The following AGBL4 variants were observed in gnomAD, a reference collection of about 807,000 sequenced individuals.
AGBL4 encodes the protein AGBL carboxypeptidase 4, also known as cytosolic carboxypeptidase 6.
Under a neutral mutation model 66.4 loss-of-function variants are expected in AGBL4, and 58 were observed. That is an observed-to-expected ratio of 0.87 (90% CI 0.71 to 1.09). The LOEUF is 1.09. Ranked by LOEUF, AGBL4 falls within the 50% of genes least tolerant of loss-of-function variation. AGBL4 has a pLI of 0.00. For synonymous variants in AGBL4, 234 were observed against 222.9 expected (o/e 1.05, Z -0.44); for missense variants, 579 against 631.0 (o/e 0.92, Z 0.88).
chr1:49,909,546 G>A (rs1289125323), intron 1 of AGBL4, among the ~76,000 whole-genome samples: 4 of 152,174 alleles, frequency 2.6e-5, no homozygotes, highest in Non-Finnish European at 4.4e-5. Flanking sequence ...CACCAGTATG[G>A]TCTGAACAGA....
intron 6 of AGBL4, among the ~76,000 whole-genome samples, chr1:48,729,325 C>A (rs1647716224): frequency 6.6e-6 from 1 of 152,106 alleles, no homozygotes; most frequent in Non-Finnish European, 1.5e-5. Context: ...TAAGGGAACA[C>A]AAATATTCTG....
At chr1:49,339,685 T>C (rs904900780) in intron 3 of AGBL4, among the ~76,000 whole-genome samples, 1 of 152,240 alleles carries the variant, frequency 6.6e-6, no homozygotes, top group African/African-American at 2.4e-5. Flanking sequence ...CTCCTGTTGA[T>C]ATATTTTACA....
intron 1 of AGBL4, among the ~76,000 whole-genome samples, chr1:49,961,628 T>C (rs1457652584): frequency 6.6e-6 from 1 of 152,126 alleles, no homozygotes; most frequent in Non-Finnish European, 1.5e-5. Flanking sequence ...ATTATTTTAA[T>C]AAAAGATGCT....
At chr1:49,605,864 C>CT (rs1333315252) in intron 3 of AGBL4, among the ~76,000 whole-genome samples, 3 of 151,922 alleles carry the variant, frequency 2.0e-5, no homozygotes, top group African/African-American at 7.2e-5. Context: ...GTTTATAATT[C>CT]TTTTTTAGTC....
intron 1 of AGBL4, among the ~76,000 whole-genome samples, chr1:49,896,646 C>G (rs1304942541): frequency 7.2e-6 from 1 of 139,512 alleles, no homozygotes; most frequent in Non-Finnish European, 1.6e-5. Context: ...CACACACACA[C>G]ACACACACAA....
chr1:49,178,866 G>T lies in AGBL4; in HGVS notation c.377+66904C>A, dbSNP rs533316970. Among the ~76,000 whole-genome samples the T allele has an allele frequency of 2.0e-5, 3 of 152,284 alleles. No homozygotes were observed. The South Asian group carries it at 6.2e-4, about 32-fold the overall frequency. On this transcript the variant is annotated intron_variant, in intron 4 of 13. Transcript: ENST00000371839. ...ATCTTTAATTAGTCTTGTCACTAAA[G>T]TAGGTAAAGATTCATCCACTTGGGG...
intron 6 of AGBL4, among the ~76,000 whole-genome samples, chr1:48,714,253 C>T (rs1647012633): frequency 6.6e-6 from 1 of 152,106 alleles, no homozygotes; most frequent in Admixed American, 6.5e-5. Flanking sequence ...CAAAGTAACT[C>T]ATGTTTGGCC....
intron 4 of AGBL4, among the ~76,000 whole-genome samples, chr1:49,137,383 C>T (rs1028928338): frequency 6.6e-6 from 1 of 152,124 alleles, no homozygotes; most frequent in African/African-American, 2.4e-5. Flanking sequence ...GTGGAAGATG[C>T]TGGTGTGGGA....
chr1:49,948,708 G>A lies in AGBL4; in HGVS notation c.34+75055C>T, dbSNP rs533516587. On this transcript the variant is annotated intron_variant, in intron 1 of 13. Transcript: ENST00000371839. ...TCATAGATGACACAAACAAATGGAA[G>A]CACATCCTATGTTCATGGATGGGTA... Among the ~76,000 whole-genome samples, 50 of 149,916 alleles carry A rather than the reference G, an allele frequency of 3.3e-4. 1 individual carries two copies. In the South Asian group the frequency reaches 9.4e-3, roughly 28 times the overall value.
intron 4 of AGBL4, among the ~76,000 whole-genome samples, chr1:49,138,173 G>A (rs1310561031): frequency 1.3e-5 from 2 of 152,080 alleles, no homozygotes; most frequent in Non-Finnish European, 2.9e-5. Flanking sequence ...AGCCTTGAAT[G>A]CCAGGTGAGA....
chr1:48,692,710 G>A (rs1309028418), intron 6 of AGBL4, among the ~76,000 whole-genome samples: 1 of 152,202 alleles, frequency 6.6e-6, no homozygotes, highest in Non-Finnish European at 1.5e-5. Context: ...AAGAGCTTGT[G>A]TTTGTTGTAG....
chr1:48,580,243 C>T (rs972168032), intron 11 of AGBL4, among the ~76,000 whole-genome samples: 1 of 152,208 alleles, frequency 6.6e-6, no homozygotes, highest in Non-Finnish European at 1.5e-5. Flanking sequence ...CAACAGAGCT[C>T]AAGCACCAGG....
chr1:49,875,331 A>G (rs1439770599), intron 1 of AGBL4, among the ~76,000 whole-genome samples: 25 of 83,396 alleles, frequency 3.0e-4, no homozygotes, highest in African/African-American at 9.7e-4. Flanking sequence ...CACAGTCCCC[A>G]GAGTGTGATA....
chr1:48,847,863 T>C (rs976926153), intron 6 of AGBL4, among the ~76,000 whole-genome samples: 1 of 152,220 alleles, frequency 6.6e-6, no homozygotes, highest in African/African-American at 2.4e-5. Context: ...TAAATGCTTA[T>C]AGAATATAGT....
intron 6 of AGBL4, among the ~76,000 whole-genome samples, chr1:48,744,873 G>A (rs1232599547): frequency 6.6e-6 from 1 of 152,154 alleles, no homozygotes; most frequent in African/African-American, 2.4e-5. Context: ...TGTTGTTCCA[G>A]GCCTCTGTGC....
At chr1:49,381,169 T>A (rs1475843551) in intron 3 of AGBL4, among the ~76,000 whole-genome samples, 1 of 151,612 alleles carries the variant, frequency 6.6e-6, no homozygotes, top group Admixed American at 6.6e-5. Flanking sequence ...AACAACCCCA[T>A]CAAAAAGTGG....
intron 1 of AGBL4, among the ~76,000 whole-genome samples, chr1:49,906,049 A>G (rs1420428017): frequency 6.6e-6 from 1 of 151,632 alleles, no homozygotes; most frequent in East Asian, 1.9e-4. Flanking sequence ...TTATGTAGCC[A>G]TTGTTGCTAG....
chr1:48,956,870 G>A (rs1014850038), intron 5 of AGBL4, among the ~76,000 whole-genome samples: 7 of 152,072 alleles, frequency 4.6e-5, no homozygotes, highest in Non-Finnish European at 8.8e-5. Flanking sequence ...CACACACCAT[G>A]TTTTGCTTGG....
chr1:49,463,561 C>T (rs1470711279), intron 3 of AGBL4, among the ~76,000 whole-genome samples: 3 of 151,690 alleles, frequency 2.0e-5, no homozygotes, highest in Non-Finnish European at 1.5e-5. Flanking sequence ...GATGTTCCTT[C>T]TCATCTGCTA....
Sources: gnomAD v4.1 joint callset for allele counts (sites outside exome capture counted in the v4.1 genomes callset) on GRCh38, gnomAD v4.1.1 for gene constraint, MANE v1.5 for transcripts, NCBI Gene and HGNC (gene_info 2026-07-23, HGNC 2026-07-21) for gene names.